CTNNA3: variants seen among roughly 807,000 people sequenced by gnomAD.
CTNNA3 encodes catenin alpha-3.
A neutral mutation model predicts 95.7 loss-of-function variants in CTNNA3; 76 were observed. The observed-to-expected ratio is 0.79, with a 90% confidence interval of 0.66 to 0.96. CTNNA3 has a LOEUF of 0.96. Ranked by LOEUF, CTNNA3 falls within the 40% of genes least tolerant of loss-of-function variation. The pLI, the probability that CTNNA3 is intolerant of heterozygous loss-of-function variation, is 0.00. For synonymous variants in CTNNA3, 431 were observed against 374.4 expected (o/e 1.15, Z -1.74); for missense variants, 1,191 against 1,089.8 (o/e 1.09, Z -1.31).
In CTNNA3 at chr10:66,360,780, T is replaced by TTC. The variant is rs1564897046; in HGVS notation, c.1732+18371_1732+18372insGA. ...CCTTCCTTCCTTCCTTTTCTTTCTTTCTTTCTTCCTTCCTTCCTTCCTTCC... is the reference window on the plus strand; with the variant it reads ...CCTTCCTTCCTTCCTTTTCTTTCTTTTCCTTTCTTCCTTCCTTCCTTCCTTCC... On this transcript the variant is annotated intron_variant, in intron 12 of 17. Coordinates refer to ENST00000433211, the MANE Select transcript of CTNNA3 (RefSeq NM_013266.4). 5.1e-4 allele frequency among the ~76,000 whole-genome samples: 29 copies of TTC among 56,964 alleles called. 2 individuals carry two copies. Among genetic ancestry groups the TTC allele is most frequent in the African/African-American group, 1.7e-3 (27 of 16,124 alleles). 37.4% of individuals were successfully genotyped at this position (56,964 alleles called of 152,430 possible). A position where few individuals can be genotyped will look rare whatever the true frequency, so the allele number is the denominator to read the frequency against.
intron 7 of CTNNA3, among the ~76,000 whole-genome samples, chr10:66,807,583 C>G (rs1332088407): frequency 2.6e-5 from 4 of 152,104 alleles, no homozygotes; most frequent in African/African-American, 9.7e-5. Flanking sequence ...CAACTGAACC[C>G]ACCCGTTGTG....
At chr10:67,448,610 A>T (rs970687992) in intron 5 of CTNNA3, among the ~76,000 whole-genome samples, 11 of 151,702 alleles carry the variant, frequency 7.3e-5, no homozygotes, top group Non-Finnish European at 1.2e-4. Flanking sequence ...ATAATTGATT[A>T]TGTATTTAAA....
At chr10:65,943,724 G>A (rs1289254445) in intron 17 of CTNNA3, among the ~76,000 whole-genome samples, 1 of 152,160 alleles carries the variant, frequency 6.6e-6, no homozygotes, top group African/African-American at 2.4e-5. Context: ...GTGAGCTTTG[G>A]AGTCAGTAAG....
At chr10:67,421,748 T>G (rs1298315144) in intron 5 of CTNNA3, among the ~76,000 whole-genome samples, 1 of 152,208 alleles carries the variant, frequency 6.6e-6, no homozygotes, top group Non-Finnish European at 1.5e-5. Flanking sequence ...ATACAGATAT[T>G]TTCTTCTACT....
At chr10:67,022,821 C>T (rs1853112108) in intron 7 of CTNNA3, among the ~76,000 whole-genome samples, 3 of 152,076 alleles carry the variant, frequency 2.0e-5, no homozygotes, top group Middle Eastern at 6.8e-3. Context: ...GCCTATAATC[C>T]CAGCTACTCA....
intron 7 of CTNNA3, among the ~76,000 whole-genome samples, chr10:66,929,784 T>A (rs1329628643): frequency 6.6e-6 from 1 of 152,230 alleles, no homozygotes; most frequent in Non-Finnish European, 1.5e-5. Flanking sequence ...TTGGTGAAAG[T>A]TTATTGACTG....
In CTNNA3 at chr10:66,745,572, T is replaced by C. The variant is rs1267778303; in HGVS notation, c.1281+20692A>G. Among the ~76,000 whole-genome samples the C allele has an allele frequency of 2.7e-5, 4 of 149,746 alleles. No homozygotes were observed. The Admixed American group carries it at 2.7e-4, about 10-fold the overall frequency. On this transcript the variant is annotated intron_variant, in intron 9 of 17. Transcript: ENST00000433211. ...CCCATACATGGAGGATCTAATGGTA[T>C]ATAATGCAGACAGCCTTTTTTTTTT... is the stretch of plus-strand genomic sequence containing the variant.
chr10:66,521,255 G>C (rs183361653), intron 10 of CTNNA3, among the ~76,000 whole-genome samples: 1 of 151,900 alleles, frequency 6.6e-6, no homozygotes, highest in African/African-American at 2.4e-5. Context: ...TGCAGAGTGA[G>C]TTTTTTAAAT....
intron 15 of CTNNA3, among the ~76,000 whole-genome samples, chr10:66,059,418 T>C (rs1033769047): frequency 6.6e-6 from 1 of 152,156 alleles, no homozygotes; most frequent in Admixed American, 6.6e-5. Context: ...TGCCTGAGTA[T>C]AAGTAGACTC....
intron 10 of CTNNA3, among the ~76,000 whole-genome samples, chr10:66,602,617 T>C (rs1045798692): frequency 6.6e-6 from 1 of 151,898 alleles, no homozygotes; most frequent in African/African-American, 2.4e-5. Context: ...ATTACCCTGA[T>C]ACCAACACCA....
At chr10:67,459,143 A>G (rs141887847) in intron 5 of CTNNA3, among the ~76,000 whole-genome samples, 1 of 152,296 alleles carries the variant, frequency 6.6e-6, no homozygotes, top group African/African-American at 2.4e-5. Context: ...ATATACCTAC[A>G]ACAGTGCCAT....
At chr10:66,469,795 A>G (rs938932143) in intron 11 of CTNNA3, among the ~76,000 whole-genome samples, 6 of 151,892 alleles carry the variant, frequency 4.0e-5, no homozygotes. Context: ...ATATCTAGGA[A>G]GTAGAATCAA....
At chr10:66,444,325 A>G (rs1367432819) in intron 11 of CTNNA3, among the ~76,000 whole-genome samples, 2 of 152,054 alleles carry the variant, frequency 1.3e-5, no homozygotes, top group African/African-American at 4.8e-5. Context: ...TACAGAGAAC[A>G]CCACAAAGAT....
At chr10:66,212,211 A>C (rs1226261698) in intron 13 of CTNNA3, among the ~76,000 whole-genome samples, 1 of 151,862 alleles carries the variant, frequency 6.6e-6, no homozygotes, top group African/African-American at 2.4e-5. Context: ...GCTGATCTCA[A>C]ACTCCTGACC....
chr10:67,123,635 G>A (rs1859572342), intron 7 of CTNNA3, among the ~76,000 whole-genome samples: 1 of 152,014 alleles, frequency 6.6e-6, no homozygotes, highest in South Asian at 2.1e-4. Flanking sequence ...AACAACCTTG[G>A]AGCATTGCAA....
chr10:66,667,295 T>C (rs765977092), intron 9 of CTNNA3, among the ~76,000 whole-genome samples: 4 of 127,428 alleles, frequency 3.1e-5, no homozygotes, highest in Admixed American at 8.0e-5. Flanking sequence ...TCCAGATATT[T>C]TGGAATGTAA....
intron 13 of CTNNA3, among the ~76,000 whole-genome samples, chr10:66,125,541 G>A (rs1202322222): frequency 1.3e-5 from 2 of 152,054 alleles, no homozygotes. Flanking sequence ...AAAGAAAAAA[G>A]AAATGAAAAC....
At chr10:66,578,661 T>C (rs1843082117) in intron 10 of CTNNA3, among the ~76,000 whole-genome samples, 1 of 152,038 alleles carries the variant, frequency 6.6e-6, no homozygotes, top group Non-Finnish European at 1.5e-5. Context: ...ATCCCAGGAA[T>C]AAACCCTACT....
At chr10:66,904,689 C>T (rs1845909247) in intron 7 of CTNNA3, among the ~76,000 whole-genome samples, 1 of 152,082 alleles carries the variant, frequency 6.6e-6, no homozygotes, top group South Asian at 2.1e-4. Flanking sequence ...CAAACAACCC[C>T]ATCAAAAAGT....
Sources: gnomAD v4.1 joint callset for allele counts (sites outside exome capture counted in the v4.1 genomes callset) on GRCh38, gnomAD v4.1.1 for gene constraint, MANE v1.5 for transcripts, NCBI Gene and HGNC (gene_info 2026-07-23, HGNC 2026-07-21) for gene names.